LETM1: variants seen among roughly 807,000 people sequenced by gnomAD.
LETM1 encodes mitochondrial proton/calcium exchanger protein.
Under a neutral mutation model 74.5 loss-of-function variants are expected in LETM1, and 50 were observed. The ratio of observed to expected loss-of-function variants is 0.67; its 90% CI spans 0.53 to 0.85. The LOEUF is 0.85. Ranked by LOEUF, LETM1 falls within the 40% of genes least tolerant of loss-of-function variation. The pLI is 0.00. For synonymous variants in LETM1, 446 were observed against 407.1 expected (o/e 1.10, Z -1.15); for missense variants, 824 against 967.8 (o/e 0.85, Z 1.97).
At chr4:1,815,984 G>A (rs921507581) in intron 12 of LETM1, among the ~76,000 whole-genome samples, 182 bp from the exon 13 acceptor site, 8 of 152,244 alleles carry the variant, frequency 5.3e-5, no homozygotes, top group Admixed American at 3.3e-4. Context: ...AGAGCTCCCA[G>A]GGCCAGCGTG....
At chr4:1,841,017 G>T (rs1712670253) in intron 3 of LETM1, among the ~76,000 whole-genome samples, 1 of 152,226 alleles carries the variant, frequency 6.6e-6, no homozygotes, top group Non-Finnish European at 1.5e-5. Context: ...CAGAAAGCAA[G>T]CACTAAAAAT....
Position 1,821,470 on chromosome 4 carries a change from C to T in LETM1, c.1608+711G>A, listed in dbSNP as rs541868224. Reference sequence around the variant, plus strand: ...TTGGGAGGCTGAGGCGGGAAGATCACTTGAGGTCAGGGGTTTGAGACCAGC... The same window carrying T: ...TTGGGAGGCTGAGGCGGGAAGATCATTTGAGGTCAGGGGTTTGAGACCAGC... On this transcript the variant is annotated intron_variant, in intron 10 of 13. Transcript: ENST00000302787. Among the ~76,000 whole-genome samples, 11 of 151,668 alleles carry T rather than the reference C, an allele frequency of 7.3e-5. No homozygotes were observed. In the East Asian group the frequency reaches 2.0e-3, roughly 28 times the overall value.
chr4:1,830,106 G>T (rs528098902), intron 6 of LETM1, among the ~76,000 whole-genome samples: 3 of 152,194 alleles, frequency 2.0e-5, no homozygotes, highest in Admixed American at 6.5e-5. Flanking sequence ...TTTCTCCCCC[G>T]GAACATCAGA....
chr4:1,828,218 G>T (rs868763849), intron 6 of LETM1, among the ~76,000 whole-genome samples: 1 of 122,308 alleles, frequency 8.2e-6, no homozygotes, highest in South Asian at 2.6e-4. Context: ...CTGGCCGGGC[G>T]GGGGGGGCTG....
In LETM1 at chr4:1,834,783, GA is replaced by G. The variant is rs1229625041; in HGVS notation, c.876+61del. On this transcript the variant is annotated intron_variant, in intron 5 of 13. Coordinates refer to ENST00000302787, the MANE Select transcript of LETM1 (RefSeq NM_012318.3). The surrounding 1 kb of genome is among the most constrained non-coding windows in gnomAD (Gnocchi z 5.0). ...CCACTCTGCTGAGCACAGCGAAAGG[GA>G]AACAGAAAATCAGGGAAGGCTCCCT... The G allele has an allele frequency of 1.2e-6, 2 of 1,601,280 alleles. No homozygotes were observed. Among genetic ancestry groups the G allele is most frequent in the Non-Finnish European group, 1.7e-6 (2 of 1,172,092 alleles).
chr4:1,847,880 C>G (rs1363027616), intron 2 of LETM1, among the ~76,000 whole-genome samples: 1 of 151,068 alleles, frequency 6.6e-6, no homozygotes, highest in African/African-American at 2.4e-5. Flanking sequence ...GCCTGTAATC[C>G]CAGCTACTTG....
Position 1,834,323 on chromosome 4 carries a change from A to T in LETM1, c.876+522T>A. 1 of 925,562 alleles carries T rather than the reference A, an allele frequency of 1.1e-6. No homozygotes were observed. The highest frequency in any genetic ancestry group is 1.3e-6 in the Non-Finnish European group (1 of 774,860). 57.3% of individuals were successfully genotyped at this position (925,562 alleles called of 1,614,324 possible). On this transcript the variant is annotated intron_variant, in intron 5 of 13. Coordinates refer to ENST00000302787, the MANE Select transcript of LETM1 (RefSeq NM_012318.3). The surrounding 1 kb of genome is among the most constrained non-coding windows in gnomAD (Gnocchi z 5.0). The stretch of plus-strand genomic sequence containing the variant: ...GCCTCGTGAACCCCATCTAGTCCTC[A>T]GGGATCTCGGTCCGTGGCAGCTGCC...
rs1219813320 is a variant in LETM1 at position 1,836,091 on chromosome 4, A to G, written c.738+338T>C. Among the ~76,000 whole-genome samples, 1 of 151,932 alleles carries G rather than the reference A, an allele frequency of 6.6e-6. No homozygotes were observed. Among genetic ancestry groups the G allele is most frequent in the Non-Finnish European group, 1.5e-5 (1 of 67,954 alleles). On this transcript the variant is annotated intron_variant, in intron 4 of 13. Coordinates refer to ENST00000302787, the MANE Select transcript of LETM1 (RefSeq NM_012318.3). The surrounding 1 kb of genome is among the most constrained non-coding windows in gnomAD (Gnocchi z 5.8). ...CCTGTGTATGGTGGCACACATGCCT[A>G]TAATCCCAGCTACTTGGGAGGCTGA... is the stretch of plus-strand genomic sequence containing the variant.
chr4:1,815,509 C>T lies in LETM1; in HGVS notation c.2070+155G>A, dbSNP rs115015072. 8.9e-3 allele frequency among the ~76,000 whole-genome samples: 1,363 copies of T among 152,326 alleles called. 5 individuals are homozygous for T. Among genetic ancestry groups the T allele is most frequent in the East Asian group, 0.019 (97 of 5,184 alleles). The stretch of plus-strand genomic sequence containing the variant: ...CTTCTGATGTTTCAAATGAGAGCAG[C>T]GGCTTAAAGGAGCAGTCGCAGTGAC... On this transcript the variant is annotated intron_variant, in intron 13 of 13. Coordinates refer to ENST00000302787, the MANE Select transcript of LETM1 (RefSeq NM_012318.3).
At chr4:1,839,425 G>A (rs1328841869) in intron 3 of LETM1, 3 of 152,398 alleles carry the variant, frequency 2.0e-5, no homozygotes, top group African/African-American at 7.2e-5. Flanking sequence ...TGGAGAGCCA[G>A]GGCAAGGCAT....
intron 6 of LETM1, among the ~76,000 whole-genome samples, chr4:1,828,947 C>T (rs1230939446): frequency 4.0e-4 from 43 of 106,778 alleles, no homozygotes; most frequent in Non-Finnish European, 5.6e-4. Context: ...CGGGCAGAGG[C>T]GCCCCTCACC....
Position 1,855,938 on chromosome 4 carries a change from A to G in LETM1, c.13T>C (p.Leu5=). 1 of 1,227,424 alleles carries G rather than the reference A, an allele frequency of 8.1e-7. No individual in the cohort carries two copies. The highest frequency in any genetic ancestry group is 4.3e-5 in the Admixed American group (1 of 23,220). The allele number at this position is 1,227,424 out of a possible 1,614,324, so 76.0% of individuals were successfully genotyped here. The change falls in exon 1 of 14, where the codon TTA becomes CTA. Residue 5 remains leucine (L), a synonymous_variant. Transcript: ENST00000302787. The stretch of plus-strand genomic sequence containing the variant: ...GCCCGGCCGCGGCAGCTCCTCAGTA[A>G]GATGGACGCCATGTGCTCGGGCGCG... MASI[L]LRSCRGRAPA...
In LETM1 at chr4:1,816,723, T is replaced by C; in HGVS notation, c.1931+4A>G. 8 of 1,612,370 alleles carry C rather than the reference T, an allele frequency of 5.0e-6. No individual in the cohort carries two copies. The highest frequency in any genetic ancestry group is 6.8e-6 in the Non-Finnish European group (8 of 1,178,628). ...CCCTCTCCCGCGCCCACCACCCCACTCACCCCGTGGGCATGCCGTTGGCCG... is the reference window on the plus strand; with the variant it reads ...CCCTCTCCCGCGCCCACCACCCCACCCACCCCGTGGGCATGCCGTTGGCCG... On this transcript the variant is annotated splice_donor_region_variant and intron_variant, in intron 12 of 13. Transcript: ENST00000302787.
In LETM1 at chr4:1,823,536, CCTCGCCCATGGTTGAGGAAT is replaced by C. The variant is rs1486077990; in HGVS notation, c.1332+88_1332+107del. ...CTCGCGAGGGGGTGGGAGGCAGGCT[CCTCGCCCATGGTTGAGGAAT>C]GAGTGCGCTTGCACACCTCCCCCCA... On this transcript the variant is annotated intron_variant, in intron 8 of 13. Coordinates refer to ENST00000302787, the MANE Select transcript of LETM1 (RefSeq NM_012318.3). The C allele has an allele frequency of 2.1e-6, 3 of 1,413,182 alleles. No individual in the cohort carries two copies. The African/African-American group carries it at 4.2e-5, about 20-fold the overall frequency. The allele number at this position is 1,413,182 out of a possible 1,614,324, so 87.5% of individuals were successfully genotyped here.
At chr4:1,838,624 G>T (rs745585801) in intron 3 of LETM1, among the ~76,000 whole-genome samples, 1 of 152,208 alleles carries the variant, frequency 6.6e-6, no homozygotes, top group Non-Finnish European at 1.5e-5. Flanking sequence ...GCTTTGGTTA[G>T]CCATGAGGTT....
In LETM1 at chr4:1,818,336, G is replaced by A. The variant is rs10020075; in HGVS notation, c.1743+1002C>T. On this transcript the variant is annotated intron_variant, in intron 11 of 13. Transcript: ENST00000302787. ...TTTTTAAAAAATCGTATTAGGGGCC[G>A]GGCACAGTGGCTCATGTTTGTAATC... Among the ~76,000 whole-genome samples, 508 of 152,278 alleles carry A rather than the reference G, an allele frequency of 3.3e-3. 3 individuals are homozygous for A. Among genetic ancestry groups the A allele is most frequent in the African/African-American group, 0.012 (489 of 41,562 alleles).
In LETM1 at chr4:1,811,733, A is replaced by C. The variant is rs934024137; in HGVS notation, c.*2691T>G. On this transcript the variant is annotated 3_prime_UTR_variant, in exon 14 of 14. Transcript: ENST00000302787. ...ACTGCGGGGTGTCCTTCATTTAAAA[A>C]AAGTCTGGACTGTGACACTGCAGAA... 2.6e-5 allele frequency: 4 copies of C among 152,338 alleles called. No individual in the cohort carries two copies. Among genetic ancestry groups the C allele is most frequent in the African/African-American group, 9.7e-5 (4 of 41,442 alleles). 9.4% of individuals were successfully genotyped at this position (152,338 alleles called of 1,614,324 possible).
intron 12 of LETM1, 29 bp from the exon 13 acceptor site, chr4:1,815,831 C>A (rs376633521): frequency 6.2e-7 from 1 of 1,609,094 alleles, no homozygotes; most frequent in African/African-American, 1.3e-5. Flanking sequence ...CATGTGGCCA[C>A]GGGCAGGCGT....
At position 1,827,274 on chromosome 4, in the gene LETM1, C is replaced by CT. The variant is rs759264558; in HGVS notation, c.1081-1592dup. Among the ~76,000 whole-genome samples, 579 of 103,718 alleles carry CT rather than the reference C, an allele frequency of 5.6e-3. 4 individuals carry two copies. Among genetic ancestry groups the CT allele is most frequent in the South Asian group, 0.016 (50 of 3,040 alleles). 68.0% of individuals were successfully genotyped at this position (103,718 alleles called of 152,430 possible). A position where few individuals can be genotyped will look rare whatever the true frequency, so the allele number is the denominator to read the frequency against. Reference sequence around the variant, plus strand: ...GGTTATAGATCCTGGATTGACAGTTCTTTTTTTTTTTTTTTTTTTTAATTT... The same window carrying CT: ...GGTTATAGATCCTGGATTGACAGTTCTTTTTTTTTTTTTTTTTTTTTAATTT... On this transcript the variant is annotated intron_variant, in intron 6 of 13. Coordinates refer to ENST00000302787, the MANE Select transcript of LETM1 (RefSeq NM_012318.3).
Sources: gnomAD v4.1 joint callset for allele counts (sites outside exome capture counted in the v4.1 genomes callset) on GRCh38, gnomAD v4.1.1 for gene constraint, Gnocchi (gnomAD v3.1) non-coding constraint, MANE v1.5 for transcripts, NCBI Gene and HGNC (gene_info 2026-07-23, HGNC 2026-07-21) for gene names.